FBXL7: variants seen among roughly 807,000 people sequenced by gnomAD.
The protein encoded by FBXL7 is F-box and leucine rich repeat protein 7.
A neutral mutation model predicts 38.3 loss-of-function variants in FBXL7; 12 were observed. That is an observed-to-expected ratio of 0.31 (90% CI 0.20 to 0.51). The LOEUF (loss-of-function observed/expected upper bound fraction) is 0.51, where lower values mean the gene tolerates loss of function less well. Ranked by LOEUF, FBXL7 falls within the 20% of genes least tolerant of loss-of-function variation. FBXL7 has a pLI of 0.98. For missense variants in FBXL7, 567 were observed against 676.4 expected (o/e 0.84, Z 1.79); for synonymous variants, 297 against 300.9 (o/e 0.99, Z 0.13).
intron 2 of FBXL7, among the ~76,000 whole-genome samples, chr5:15,807,678 C>G (rs1737749672): frequency 9.7e-6 from 1 of 102,744 alleles, no homozygotes; most frequent in Non-Finnish European, 2.4e-5. Flanking sequence ...GGTTGTTTTT[C>G]TTTTCTTTTT....
rs114044795 is a variant in FBXL7, at chr5:15,757,851, C to T, written c.127+141779C>T. Among the ~76,000 whole-genome samples the T allele has an allele frequency of 6.9e-3, 1,055 of 152,308 alleles. 10 individuals are homozygous for T. Among genetic ancestry groups the T allele is most frequent in the African/African-American group, 0.024 (1,002 of 41,562 alleles). ...GGGAAGGAGGCATAATTCATGCCAA[C>T]GTCAAGCAGGCTCAGTCAGCCTCTC... On this transcript the variant is annotated intron_variant, in intron 2 of 3. Transcript: ENST00000504595.
At chr5:15,807,247 G>A (rs1027255172) in intron 2 of FBXL7, among the ~76,000 whole-genome samples, 2 of 152,088 alleles carry the variant, frequency 1.3e-5, no homozygotes, top group Non-Finnish European at 2.9e-5. Context: ...TGGCCTGATT[G>A]CGTTTCTAAA....
chr5:15,556,039 T>TCAGTC (rs1738227222), intron 1 of FBXL7, among the ~76,000 whole-genome samples: 1 of 150,664 alleles, frequency 6.6e-6, no homozygotes, highest in Admixed American at 6.6e-5. Context: ...TATCATCTAC[T>TCAGTC]TATCATCTAT....
chr5:15,593,478 C>G (rs542151865), intron 1 of FBXL7, among the ~76,000 whole-genome samples: 1 of 152,108 alleles, frequency 6.6e-6, no homozygotes, highest in African/African-American at 2.4e-5. Flanking sequence ...GATCTGAGAT[C>G]GCCCCACTGC....
At chr5:15,703,306 G>T (rs1743585834) in intron 2 of FBXL7, among the ~76,000 whole-genome samples, 1 of 152,110 alleles carries the variant, frequency 6.6e-6, no homozygotes, top group Admixed American at 6.5e-5. Context: ...GTTACAATGG[G>T]CATTCAAAAT....
chr5:15,823,804 C>T (rs1300812484), intron 2 of FBXL7, among the ~76,000 whole-genome samples: 2 of 152,200 alleles, frequency 1.3e-5, no homozygotes, highest in Non-Finnish European at 2.9e-5. Context: ...AGCCTCTCTT[C>T]AGTGACTCCT....
At chr5:15,779,740 A>G (rs1175374587) in intron 2 of FBXL7, among the ~76,000 whole-genome samples, 1 of 152,194 alleles carries the variant, frequency 6.6e-6, no homozygotes, top group East Asian at 1.9e-4. Context: ...CAGTCAGCAA[A>G]TTAATGGCAA....
chr5:15,899,640 A>G lies in FBXL7; in HGVS notation c.128-28250A>G, dbSNP rs73752373. ...TGGAGAACAACCATATCAATGCCTT[A>G]GAGAAGCTCAGAAGGGTGATGTCAT... On this transcript the variant is annotated intron_variant, in intron 2 of 3. Coordinates refer to ENST00000504595, the MANE Select transcript of FBXL7 (RefSeq NM_012304.5). Among the ~76,000 whole-genome samples, 1,065 of 152,290 alleles carry G rather than the reference A, an allele frequency of 7.0e-3. 19 individuals carry two copies. Among genetic ancestry groups the G allele is most frequent in the African/African-American group, 0.024 (1,011 of 41,558 alleles).
intron 2 of FBXL7, among the ~76,000 whole-genome samples, chr5:15,917,409 A>G (rs1289355852): frequency 6.6e-6 from 1 of 152,128 alleles, no homozygotes; most frequent in African/African-American, 2.4e-5. Flanking sequence ...CCAGGAGTTC[A>G]GGACATGGGA....
At chr5:15,917,683 A>G (rs1741626890) in intron 2 of FBXL7, among the ~76,000 whole-genome samples, 1 of 149,540 alleles carries the variant, frequency 6.7e-6, no homozygotes, top group Admixed American at 6.7e-5. Flanking sequence ...GGAAGGAAGG[A>G]AGGAAGGAAG....
intron 2 of FBXL7, among the ~76,000 whole-genome samples, chr5:15,844,643 AC>A (rs1738842854): frequency 6.6e-6 from 1 of 152,098 alleles, no homozygotes; most frequent in African/African-American, 2.4e-5. Context: ...CCAGTGTCTT[AC>A]CCCTCTGGAG....
intron 2 of FBXL7, among the ~76,000 whole-genome samples, chr5:15,853,475 C>G (rs1243620979): frequency 6.6e-6 from 1 of 151,964 alleles, no homozygotes; most frequent in African/African-American, 2.4e-5. Context: ...GGGCTAGTGG[C>G]AGGGGTGGCG....
chr5:15,688,625 T>C (rs947920794), intron 2 of FBXL7, among the ~76,000 whole-genome samples: 1 of 152,166 alleles, frequency 6.6e-6, no homozygotes, highest in Non-Finnish European at 1.5e-5. Context: ...ACCTAGTCTA[T>C]ATCCGAGGGC....
At chr5:15,778,116 C>T (rs1736904135) in intron 2 of FBXL7, among the ~76,000 whole-genome samples, 1 of 152,012 alleles carries the variant, frequency 6.6e-6, no homozygotes, top group African/African-American at 2.4e-5. Flanking sequence ...AATGGGAAGA[C>T]ATCATGGTAT....
chr5:15,741,620 T>G (rs1735895777), intron 2 of FBXL7, among the ~76,000 whole-genome samples: 1 of 152,154 alleles, frequency 6.6e-6, no homozygotes, highest in Non-Finnish European at 1.5e-5. Context: ...AAATTACAAA[T>G]CTTTAAACCA....
chr5:15,686,494 C>T (rs991153703), intron 2 of FBXL7, among the ~76,000 whole-genome samples: 12 of 152,264 alleles, frequency 7.9e-5, no homozygotes, highest in African/African-American at 2.9e-4. Context: ...TGTTTGGAAA[C>T]CCTCTTATCT....
At chr5:15,815,891 AG>A (rs1373989626) in intron 2 of FBXL7, among the ~76,000 whole-genome samples, 1 of 152,132 alleles carries the variant, frequency 6.6e-6, no homozygotes, top group Non-Finnish European at 1.5e-5. Context: ...GTCTGGAAAG[AG>A]CTATGAAAAT....
intron 2 of FBXL7, among the ~76,000 whole-genome samples, chr5:15,707,878 A>T (rs1743741018): frequency 6.6e-6 from 1 of 152,052 alleles, no homozygotes; most frequent in Admixed American, 6.5e-5. Context: ...GCTAGGATGG[A>T]GATTTGTTCC....
chr5:15,822,434 T>G (rs1738195961), intron 2 of FBXL7, among the ~76,000 whole-genome samples: 1 of 152,086 alleles, frequency 6.6e-6, no homozygotes, highest in Non-Finnish European at 1.5e-5. Flanking sequence ...GGCAACAGGC[T>G]GCTTTCCAGG....
Sources: allele counts gnomAD v4.1 joint callset (sites outside exome capture counted in the v4.1 genomes callset), GRCh38; gene constraint gnomAD v4.1.1; transcripts MANE v1.5; gene names NCBI Gene and HGNC (gene_info 2026-07-23, HGNC 2026-07-21).